ANO3: variants seen among roughly 807,000 people sequenced by gnomAD.
The protein encoded by ANO3 is anoctamin 3.
ANO3 carries 99 observed loss-of-function variants against 144.8 expected under a neutral mutation model. That is an observed-to-expected ratio of 0.68 (90% CI 0.58 to 0.81). The LOEUF is 0.81. Among genes scored for constraint, ANO3 ranks in the 30% least tolerant of loss-of-function variants. ANO3 has a pLI of 0.00. For missense variants in ANO3, 905 were observed against 1,202.2 expected, an observed-to-expected ratio of 0.75 and a Z score of 3.66; for synonymous variants, 414 against 392.6, an observed-to-expected ratio of 1.05 and a Z score of -0.64.
At chr11:26,476,018 G>T (rs1427047623) in intron 4 of ANO3, among the ~76,000 whole-genome samples, 3 of 152,076 alleles carry the variant, frequency 2.0e-5, no homozygotes, top group African/African-American at 7.2e-5. Flanking sequence ...TGAGGCCTGA[G>T]AATTTGCATT....
chr11:26,303,813 A>T (rs1854293880), intron 1 of ANO3, among the ~76,000 whole-genome samples: 1 of 152,118 alleles, frequency 6.6e-6, no homozygotes. Context: ...TCTGCCTCCC[A>T]GGTTCAAGTG....
At chr11:26,525,727 A>G (rs754954444) in intron 7 of ANO3, 48 bp downstream of exon 7, 1 of 1,444,866 alleles carries the variant, frequency 6.9e-7, no homozygotes, top group Non-Finnish European at 9.5e-7. Context: ...GTCGTTTTGA[A>G]AAAAATAAGA....
chr11:26,421,530 ATAT>A (rs1195632430), intron 1 of ANO3, among the ~76,000 whole-genome samples: 1 of 152,034 alleles, frequency 6.6e-6, no homozygotes, highest in East Asian at 1.9e-4. Flanking sequence ...AGGCAGACAA[ATAT>A]ACTTGTTATT....
chr11:26,233,966 G>C (rs1039728542), intron 1 of ANO3, among the ~76,000 whole-genome samples: 1 of 150,270 alleles, frequency 6.7e-6, no homozygotes, highest in Non-Finnish European at 1.5e-5. Context: ...AGGGGAGGGA[G>C]AGCATTAGGA....
chr11:26,488,592 C>T (rs1211143625), intron 4 of ANO3, among the ~76,000 whole-genome samples: 1 of 152,154 alleles, frequency 6.6e-6, no homozygotes, highest in African/African-American at 2.4e-5. Flanking sequence ...AGGAGTGAAG[C>T]CGCAGACCTT....
chr11:26,449,128 T>C (rs1858819463), intron 3 of ANO3, among the ~76,000 whole-genome samples: 1 of 152,156 alleles, frequency 6.6e-6, no homozygotes, highest in South Asian at 2.1e-4. Context: ...TTCCCTTTTC[T>C]CACGAGCTGC....
intron 1 of ANO3, among the ~76,000 whole-genome samples, chr11:26,200,874 AAAACAT>A (rs1235647749): frequency 7.2e-5 from 11 of 152,178 alleles, no homozygotes; most frequent in African/African-American, 2.7e-4. Flanking sequence ...TACATGATTC[AAAACAT>A]ATTTACCTCT....
At chr11:26,429,796 A>G (rs1858026357) in intron 1 of ANO3, among the ~76,000 whole-genome samples, 1 of 152,222 alleles carries the variant, frequency 6.6e-6, no homozygotes, top group Non-Finnish European at 1.5e-5. Flanking sequence ...CACAATGAAA[A>G]TGTAATAGTT....
chr11:26,222,536 A>C (rs1410425776), intron 1 of ANO3, among the ~76,000 whole-genome samples: 2 of 152,086 alleles, frequency 1.3e-5, no homozygotes, highest in African/African-American at 4.8e-5. Context: ...CCAACCCCAC[A>C]TTTTCCCTCT....
chr11:26,606,979 C>T (rs1389939236), intron 17 of ANO3, among the ~76,000 whole-genome samples: 1 of 152,110 alleles, frequency 6.6e-6, no homozygotes. Flanking sequence ...GATGAAATTC[C>T]TCAACATTTG....
chr11:26,295,366 TA>T (rs555015196), intron 1 of ANO3, among the ~76,000 whole-genome samples: 4 of 149,850 alleles, frequency 2.7e-5, no homozygotes, highest in Non-Finnish European at 5.9e-5. Flanking sequence ...AAAATAAAAA[TA>T]AAAAAAAATT....
chr11:26,650,080 A>G (rs1438963111), intron 24 of ANO3, among the ~76,000 whole-genome samples: 3 of 152,038 alleles, frequency 2.0e-5, no homozygotes, highest in Admixed American at 2.0e-4. Context: ...TTCATCGGTT[A>G]GGAATATAGA....
intron 1 of ANO3, among the ~76,000 whole-genome samples, chr11:26,365,315 C>T (rs1456916697): frequency 6.6e-6 from 1 of 152,196 alleles, no homozygotes; most frequent in Admixed American, 6.5e-5. Flanking sequence ...GCAGCTTTTC[C>T]AGGTGTAGGT....
intron 1 of ANO3, among the ~76,000 whole-genome samples, chr11:26,394,570 C>CTTTTTTTTTTT (rs56118844): frequency 8.6e-6 from 1 of 115,750 alleles, no homozygotes; most frequent in African/African-American, 3.2e-5. Flanking sequence ...ATTTCATTTT[C>CTTTTTTTTTTT]TTTTTTTTTT....
At chr11:26,657,704 A>G (rs1025991952) in intron 26 of ANO3, among the ~76,000 whole-genome samples, 6 of 152,034 alleles carry the variant, frequency 3.9e-5, no homozygotes, top group African/African-American at 1.4e-4. Flanking sequence ...TATTAATTTG[A>G]GTGTTCTTTT....
intron 8 of ANO3, among the ~76,000 whole-genome samples, chr11:26,533,881 C>A (rs1238511592): frequency 1.3e-5 from 2 of 152,304 alleles, no homozygotes; most frequent in East Asian, 3.9e-4. Flanking sequence ...AGAAGTTGAG[C>A]AAGACCCAGG....
At chr11:26,349,583 C>G (rs1002480119) in intron 1 of ANO3, among the ~76,000 whole-genome samples, 7 of 152,158 alleles carry the variant, frequency 4.6e-5, no homozygotes, top group East Asian at 3.9e-4. Context: ...GAGTCTTGCT[C>G]TGTTGCCCAG....
intron 3 of ANO3, among the ~76,000 whole-genome samples, chr11:26,454,167 C>T (rs1182649048): frequency 2.6e-5 from 4 of 152,112 alleles, no homozygotes; most frequent in South Asian, 4.2e-4. Flanking sequence ...ATTAAAAGAA[C>T]TAGAAAAGCA....
chr11:26,307,469 G>A (rs915111124), upstream of ANO3, among the ~76,000 whole-genome samples: 3 of 152,134 alleles, frequency 2.0e-5, no homozygotes, highest in South Asian at 6.2e-4. Context: ...GGGAGGCTGA[G>A]GCAGGCCGAT....
Sources: gnomAD v4.1 joint callset for allele counts (sites outside exome capture counted in the v4.1 genomes callset) on GRCh38, gnomAD v4.1.1 for gene constraint, MANE v1.5 for transcripts, NCBI Gene and HGNC (gene_info 2026-07-23, HGNC 2026-07-21) for gene names.